SHISA9: variants seen among roughly 807,000 people sequenced by gnomAD.
SHISA9 encodes protein shisa-9.
A neutral mutation model predicts 38.0 loss-of-function variants in SHISA9; 13 were observed. The ratio of observed to expected loss-of-function variants is 0.34; its 90% CI spans 0.22 to 0.54. SHISA9 has a LOEUF of 0.54. Ranked by LOEUF, SHISA9 falls within the 20% of genes least tolerant of loss-of-function variation. The pLI is 0.91. For missense variants in SHISA9, 538 were observed against 575.8 expected (o/e 0.93, Z 0.67); for synonymous variants, 275 against 242.0 (o/e 1.14, Z -1.27).
chr16:13,440,292 C>T, the SHISA9 span, among the ~76,000 whole-genome samples: 5 of 152,190 alleles, frequency 3.3e-5, no homozygotes, highest in Non-Finnish European at 5.9e-5. Flanking sequence ...ACTCTAATCC[C>T]GTTAATGCCT....
At chr16:13,076,206 T>G (rs575495266) in intron 2 of SHISA9, among the ~76,000 whole-genome samples, 2 of 152,196 alleles carry the variant, frequency 1.3e-5, no homozygotes, top group African/African-American at 4.8e-5. Context: ...AAGTTTTGTA[T>G]TTTTAGTAGA....
intron 2 of SHISA9, among the ~76,000 whole-genome samples, chr16:13,070,515 C>T (rs1166509982): frequency 4.6e-5 from 7 of 152,154 alleles, no homozygotes; most frequent in African/African-American, 7.2e-5. Context: ...CTGGCTGTGC[C>T]GTGGCTGCTA....
intron 2 of SHISA9, among the ~76,000 whole-genome samples, chr16:13,069,159 ATATATGTGTGTACATGCAATGTG>A (rs2073476160): frequency 6.6e-6 from 1 of 150,700 alleles, no homozygotes; most frequent in African/African-American, 2.5e-5. Context: ...ATGTATGTGT[ATATATGTGTGTACATGCAATGTG>A]TATATGTGTA....
chr16:13,440,791 G>T, the SHISA9 span, among the ~76,000 whole-genome samples: 1 of 152,032 alleles, frequency 6.6e-6, no homozygotes, highest in Non-Finnish European at 1.5e-5. Flanking sequence ...GCGTGGTGGC[G>T]CGTGCCTGTA....
chr16:13,489,041 G>A, the SHISA9 span, among the ~76,000 whole-genome samples: 15 of 152,068 alleles, frequency 9.9e-5, no homozygotes, highest in Admixed American at 9.8e-4. Context: ...CCAAAGTGCT[G>A]GGATTACAGG....
the SHISA9 span, among the ~76,000 whole-genome samples, chr16:13,380,054 C>T: frequency 6.6e-6 from 1 of 151,592 alleles, no homozygotes; most frequent in Admixed American, 6.6e-5. Flanking sequence ...TTAAGAACAT[C>T]TCAGAGGAAG....
At chr16:13,241,003 A>G (rs985687225), downstream of SHISA9, among the ~76,000 whole-genome samples, 4 of 152,230 alleles carry the variant, frequency 2.6e-5, no homozygotes, top group African/African-American at 9.6e-5. Context: ...ATATCATGTC[A>G]GCTACCACTA....
the SHISA9 span, among the ~76,000 whole-genome samples, chr16:13,473,853 T>C: frequency 1.3e-5 from 2 of 152,342 alleles, no homozygotes; most frequent in East Asian, 3.9e-4. Flanking sequence ...TCTGATTTTT[T>C]ACTGTTTGGA....
chr16:13,380,738 G>T, the SHISA9 span, among the ~76,000 whole-genome samples: 4 of 152,080 alleles, frequency 2.6e-5, no homozygotes, highest in East Asian at 7.7e-4. Flanking sequence ...TTGTTACATA[G>T]GTATACATGT....
chr16:13,186,090 G>T (rs2050819186), intron 2 of SHISA9, among the ~76,000 whole-genome samples: 1 of 152,050 alleles, frequency 6.6e-6, no homozygotes, highest in Non-Finnish European at 1.5e-5. Flanking sequence ...TGTCTCTGAG[G>T]CTTGTGACCT....
At position 13,238,076 on chromosome 16, in the gene SHISA9, G is replaced by T. The variant is rs1400621041; in HGVS notation, c.*2667G>T. On this transcript the variant is annotated 3_prime_UTR_variant, in exon 5 of 5. Coordinates refer to ENST00000558583, the MANE Select transcript of SHISA9 (RefSeq NM_001145204.3). ...GATGATTAAATTCCAGCTGGAGTCTGTTGTCTGTGAGTCTGAACTAAAGCC... is the reference window on the plus strand; with the variant it reads ...GATGATTAAATTCCAGCTGGAGTCTTTTGTCTGTGAGTCTGAACTAAAGCC... 1.3e-5 allele frequency: 2 copies of T among 152,194 alleles called. No homozygotes were observed. The highest frequency in any genetic ancestry group is 6.5e-5 in the Admixed American group (1 of 15,284). 9.4% of individuals were successfully genotyped at this position (152,194 alleles called of 1,614,324 possible). A position where few individuals can be genotyped will look rare whatever the true frequency, so the allele number is the denominator to read the frequency against.
At chr16:13,367,746 A>ACACACACACACC in the SHISA9 span, among the ~76,000 whole-genome samples, 3 of 146,860 alleles carry the variant, frequency 2.0e-5, no homozygotes, top group African/African-American at 7.9e-5. Context: ...ACACACACAC[A>ACACACACACACC]CACCCCTGAA....
intron 2 of SHISA9, among the ~76,000 whole-genome samples, chr16:12,970,389 GTA>G (rs143875033): frequency 0.27 from 9,248 of 34,474 alleles, 990 homozygotes; most frequent in Middle Eastern, 0.41. Context: ...ATACATATAT[GTA>G]TATATATATA....
intron 2 of SHISA9, among the ~76,000 whole-genome samples, chr16:13,026,336 T>C (rs1040204393): frequency 6.6e-6 from 1 of 152,264 alleles, no homozygotes; most frequent in Non-Finnish European, 1.5e-5. Context: ...TTTGTCCCTT[T>C]GTGACTGATT....
chr16:13,218,426 G>A (rs1037550484), intron 4 of SHISA9, among the ~76,000 whole-genome samples: 6 of 152,134 alleles, frequency 3.9e-5, no homozygotes, highest in Admixed American at 6.6e-5. Flanking sequence ...ACATACCGGC[G>A]TTCTTCCCAA....
chr16:13,051,402 T>A (rs7199987), intron 2 of SHISA9, among the ~76,000 whole-genome samples: 118,503 of 152,104 alleles, frequency 0.78, 46,629 homozygotes, highest in African/African-American at 0.89. Flanking sequence ...TTGACTCGGG[T>A]TTATTAAAAT....
chr16:13,187,957 C>A (rs1342103869), intron 2 of SHISA9, among the ~76,000 whole-genome samples: 3 of 152,272 alleles, frequency 2.0e-5, no homozygotes, highest in African/African-American at 7.2e-5. Flanking sequence ...GATGTTCCCT[C>A]CTAGAGACTT....
chr16:13,408,131 C>A, the SHISA9 span, among the ~76,000 whole-genome samples: 1 of 152,044 alleles, frequency 6.6e-6, no homozygotes, highest in Admixed American at 6.5e-5. Flanking sequence ...TAGATGTCTA[C>A]CTAAGACATC....
At chr16:13,066,643 G>A (rs2073438375) in intron 2 of SHISA9, among the ~76,000 whole-genome samples, 1 of 152,214 alleles carries the variant, frequency 6.6e-6, no homozygotes, top group Non-Finnish European at 1.5e-5. Context: ...TATTAACCAT[G>A]CCTGCCTCAT....
Sources: allele counts gnomAD v4.1 joint callset (sites outside exome capture counted in the v4.1 genomes callset), GRCh38; gene constraint gnomAD v4.1.1; transcripts MANE v1.5; gene names NCBI Gene and HGNC (gene_info 2026-07-23, HGNC 2026-07-21).